The following CSMD1 variants were observed in gnomAD, a reference collection of about 807,000 sequenced individuals.
The protein encoded by CSMD1 is CUB and sushi domain-containing protein 1.
In CSMD1, 213 loss-of-function variants were observed where a neutral mutation model predicts 417.5. The ratio of observed to expected loss-of-function variants is 0.51; its 90% CI spans 0.46 to 0.57. The LOEUF (loss-of-function observed/expected upper bound fraction) is 0.57. CSMD1 is among the 20% of genes least tolerant of loss of function. The pLI is 0.00. For missense variants in CSMD1, 6,923 were observed against 4,529.7 expected, an observed-to-expected ratio of 1.53 and a Z score of -15.17; for synonymous variants, 2,862 against 1,736.8, an observed-to-expected ratio of 1.65 and a Z score of -16.11.
chr8:3,319,613 TGA>T (rs1173346094), intron 23 of CSMD1, among the ~76,000 whole-genome samples: 1 of 152,100 alleles, frequency 6.6e-6, no homozygotes, highest in Non-Finnish European at 1.5e-5. Context: ...AAAAGAAACA[TGA>T]GAGTTTCTGT....
At chr8:4,625,225 C>G (rs987334918) in intron 2 of CSMD1, among the ~76,000 whole-genome samples, 2 of 152,030 alleles carry the variant, frequency 1.3e-5, no homozygotes, top group African/African-American at 4.8e-5. Flanking sequence ...TTCTCACCTT[C>G]CACTGTTTAA....
At chr8:3,610,360 T>A (rs1359136411) in intron 8 of CSMD1, among the ~76,000 whole-genome samples, 1 of 152,080 alleles carries the variant, frequency 6.6e-6, no homozygotes, top group Non-Finnish European at 1.5e-5. Context: ...CAGCGAGACC[T>A]TGTCTTTACA....
At chr8:3,511,027 A>G (rs933154944) in intron 10 of CSMD1, among the ~76,000 whole-genome samples, 6 of 151,892 alleles carry the variant, frequency 4.0e-5, no homozygotes, top group Non-Finnish European at 5.9e-5. Flanking sequence ...TGGCACTTAT[A>G]CACCATGGAA....
chr8:3,705,087 G>C (rs1281914798), intron 7 of CSMD1, among the ~76,000 whole-genome samples: 1 of 152,218 alleles, frequency 6.6e-6, no homozygotes, highest in Non-Finnish European at 1.5e-5. Flanking sequence ...GAAGAAGCCA[G>C]TCAGGCAAGG....
At chr8:4,616,420 A>G (rs1354940624) in intron 2 of CSMD1, among the ~76,000 whole-genome samples, 1 of 152,218 alleles carries the variant, frequency 6.6e-6, no homozygotes, top group Non-Finnish European at 1.5e-5. Context: ...GTGCATTTTA[A>G]GAACACTGGC....
At chr8:3,860,040 G>T (rs965349170) in intron 5 of CSMD1, among the ~76,000 whole-genome samples, 2 of 151,948 alleles carry the variant, frequency 1.3e-5, no homozygotes, top group Non-Finnish European at 2.9e-5. Context: ...GCTTGTGGAG[G>T]GTCATGCCCT....
rs75470392 is a variant in CSMD1 at position 3,062,462 on chromosome 8, G to C, written c.7475-9815C>G. Among the ~76,000 whole-genome samples the C allele has an allele frequency of 3.0e-3, 454 of 152,058 alleles. 2 individuals are homozygous for C. Among genetic ancestry groups the C allele is most frequent in the Middle Eastern group, 0.014 (4 of 294 alleles). On this transcript the variant is annotated intron_variant, in intron 49 of 69. Transcript: ENST00000635120. ...CGTTTGTTTGAAAGGATAAAGAAAA[G>C]TGTGTCTGAAAATGAATGTCCATAG...
At chr8:4,991,751 G>A (rs1039258790) in intron 1 of CSMD1, among the ~76,000 whole-genome samples, 2 of 152,178 alleles carry the variant, frequency 1.3e-5, no homozygotes, top group Admixed American at 6.5e-5. Flanking sequence ...ACGCGACGCC[G>A]CCCCAATGGC....
intron 52 of CSMD1, among the ~76,000 whole-genome samples, chr8:3,012,415 C>T (rs751527705): frequency 3.9e-5 from 6 of 152,184 alleles, no homozygotes; most frequent in African/African-American, 9.7e-5. Flanking sequence ...AAAAGGATTC[C>T]AGCATATTCT....
At chr8:4,245,011 C>G (rs929468771) in intron 3 of CSMD1, among the ~76,000 whole-genome samples, 15 of 152,118 alleles carry the variant, frequency 9.9e-5, no homozygotes, top group African/African-American at 3.1e-4. Flanking sequence ...CAAAAAGAAT[C>G]ACATACACAT....
intron 26 of CSMD1, among the ~76,000 whole-genome samples, chr8:3,249,910 A>G (rs1585794107): frequency 6.6e-6 from 1 of 152,226 alleles, no homozygotes; most frequent in East Asian, 1.9e-4. Context: ...AGCCAACTAA[A>G]TTATAGACAT....
At chr8:4,283,010 G>T (rs572177546) in intron 3 of CSMD1, among the ~76,000 whole-genome samples, 1 of 151,896 alleles carries the variant, frequency 6.6e-6, no homozygotes, top group Non-Finnish European at 1.5e-5. Context: ...TGCCTGCATT[G>T]TATCCCTTTG....
rs995844745 is a variant in CSMD1 at position 3,951,656 on chromosome 8, T to C, written c.818+46247A>G. Among the ~76,000 whole-genome samples the C allele has an allele frequency of 2.0e-5, 3 of 152,276 alleles. No individual in the cohort carries two copies. The South Asian group carries it at 6.2e-4, about 32-fold the overall frequency. The stretch of plus-strand genomic sequence containing the variant: ...TATTGGAAGAAAGGTTAAAATTTTT[T>C]AAAAATTAAAAAATAAACATTTGCA... On this transcript the variant is annotated intron_variant, in intron 5 of 69. Coordinates refer to ENST00000635120, the MANE Select transcript of CSMD1 (RefSeq NM_033225.6).
chr8:3,311,102 C>T (rs779361906), intron 23 of CSMD1, among the ~76,000 whole-genome samples: 1 of 152,116 alleles, frequency 6.6e-6, no homozygotes, highest in South Asian at 2.1e-4. Context: ...ACCTAACTAA[C>T]TTTCCAAATG....
At chr8:4,393,482 G>A (rs1803996074) in intron 3 of CSMD1, among the ~76,000 whole-genome samples, 1 of 152,176 alleles carries the variant, frequency 6.6e-6, no homozygotes, top group African/African-American at 2.4e-5. Flanking sequence ...TGAGATGGCA[G>A]CAGCCACTAT....
chr8:3,658,869 G>A (rs946834046), intron 7 of CSMD1, among the ~76,000 whole-genome samples: 3 of 152,148 alleles, frequency 2.0e-5, no homozygotes, highest in Non-Finnish European at 4.4e-5. Flanking sequence ...AATTCCAGGG[G>A]ATGTTTCGAA....
intron 1 of CSMD1, among the ~76,000 whole-genome samples, chr8:4,916,962 G>C (rs1563758456): frequency 6.6e-6 from 1 of 152,154 alleles, no homozygotes; most frequent in Non-Finnish European, 1.5e-5. Flanking sequence ...GCATCCGCAG[G>C]TGTACAGGGT....
At chr8:3,947,182 T>G (rs999081175) in intron 5 of CSMD1, among the ~76,000 whole-genome samples, 2 of 152,242 alleles carry the variant, frequency 1.3e-5, no homozygotes, top group Admixed American at 6.5e-5. Context: ...TGCCCTTTAC[T>G]GGGTTCAGGA....
At chr8:4,600,807 C>A in intron 2 of CSMD1, among the ~76,000 whole-genome samples, 1 of 152,128 alleles carries the variant, frequency 6.6e-6, no homozygotes, top group East Asian at 1.9e-4. Context: ...AAATCAATCT[C>A]TCAATCTTGA....
Sources: gnomAD v4.1 joint callset for allele counts (sites outside exome capture counted in the v4.1 genomes callset) on GRCh38, gnomAD v4.1.1 for gene constraint, MANE v1.5 for transcripts, NCBI Gene and HGNC (gene_info 2026-07-23, HGNC 2026-07-21) for gene names.